CDCP1: variants seen among roughly 807,000 people sequenced by gnomAD.
CDCP1 encodes CUB domain-containing protein 1.
CDCP1 carries 29 observed loss-of-function variants against 60.2 expected under a neutral mutation model. The ratio of observed to expected loss-of-function variants is 0.48; its 90% CI spans 0.36 to 0.66. The LOEUF (loss-of-function observed/expected upper bound fraction) is 0.66, where lower values mean the gene tolerates loss of function less well. Among genes scored for constraint, CDCP1 ranks in the 30% least tolerant of loss-of-function variants. The pLI is 0.00. For missense variants in CDCP1, 876 were observed against 1,074.3 expected (o/e 0.82, Z 2.58); for synonymous variants, 387 against 431.1 (o/e 0.90, Z 1.27).
intron 1 of CDCP1, among the ~76,000 whole-genome samples, chr3:45,138,346 G>A (rs975722810): frequency 6.6e-6 from 1 of 152,206 alleles, no homozygotes; most frequent in African/African-American, 2.4e-5. Context: ...AGCACAATGT[G>A]TAGGTAACAA....
intron 4 of CDCP1, chr3:45,110,270 A>C: frequency 7.1e-7 from 1 of 1,414,448 alleles, no homozygotes; most frequent in South Asian, 1.7e-5. Flanking sequence ...ATTGTGCTGA[A>C]ATGGAACTAC....
At chr3:45,140,042 A>G (rs1699257704) in intron 1 of CDCP1, among the ~76,000 whole-genome samples, 1 of 152,234 alleles carries the variant, frequency 6.6e-6, no homozygotes, top group Non-Finnish European at 1.5e-5. Context: ...CCAGATCAGT[A>G]ACAGAAGGCA....
At chr3:45,134,040 C>A (rs1277085206) in intron 1 of CDCP1, among the ~76,000 whole-genome samples, 2 of 152,178 alleles carry the variant, frequency 1.3e-5, no homozygotes, top group African/African-American at 2.4e-5. Flanking sequence ...ATTGCAGCAC[C>A]CACCCACGGC....
At chr3:45,121,232 G>C (rs371069175) in intron 1 of CDCP1, among the ~76,000 whole-genome samples, 2 of 152,148 alleles carry the variant, frequency 1.3e-5, no homozygotes, top group African/African-American at 4.8e-5. Flanking sequence ...TATTCTCAGG[G>C]GCAGAAGTTT....
At chr3:45,144,026 C>T (rs1176157195) in intron 1 of CDCP1, among the ~76,000 whole-genome samples, 1 of 152,092 alleles carries the variant, frequency 6.6e-6, no homozygotes, top group East Asian at 1.9e-4. Flanking sequence ...CTGACCCAGA[C>T]TCTGGTATCT....
At chr3:45,103,438 T>C (rs1698515601) in intron 4 of CDCP1, among the ~76,000 whole-genome samples, 1 of 152,228 alleles carries the variant, frequency 6.6e-6, no homozygotes, top group Admixed American at 6.5e-5. Flanking sequence ...AAGACTGCTA[T>C]GAATATCCTT....
chr3:45,090,941 C>T (rs147928847), intron 7 of CDCP1, among the ~76,000 whole-genome samples: 1 of 152,186 alleles, frequency 6.6e-6, no homozygotes, highest in Non-Finnish European at 1.5e-5. Flanking sequence ...CCTGATAAGT[C>T]CAGCTCAGAC....
chr3:45,089,236 C>A, intron 7 of CDCP1, 95 bp from the exon 8 acceptor site: 1 of 945,772 alleles, frequency 1.1e-6, no homozygotes, highest in Non-Finnish European at 1.7e-6. Context: ...GCCATCTCTC[C>A]AAAGGTGGAG....
At chr3:45,087,511 C>T (rs1256900000) in intron 8 of CDCP1, among the ~76,000 whole-genome samples, 1 of 152,178 alleles carries the variant, frequency 6.6e-6, no homozygotes, top group African/African-American at 2.4e-5. Flanking sequence ...CTATTCCGTG[C>T]ACCGCAGATG....
rs1698748153 is a variant in CDCP1 at position 45,114,315 on chromosome 3, T to C, written c.293-1870A>G. ...CTCTGTCCAGTGAAAACATTTTAAA[T>C]AACTAAAATGATTCCTGTCCAGAGG... is the stretch of plus-strand genomic sequence containing the variant. On this transcript the variant is annotated intron_variant, in intron 2 of 8. Transcript: ENST00000296129. Among the ~76,000 whole-genome samples, 5 of 152,298 alleles carry C rather than the reference T, an allele frequency of 3.3e-5. No homozygotes were observed. In the South Asian group the frequency reaches 1.0e-3, roughly 32 times the overall value.
chr3:45,138,505 T>G (rs2126009508), intron 1 of CDCP1, among the ~76,000 whole-genome samples: 1 of 152,316 alleles, frequency 6.6e-6, no homozygotes, highest in Non-Finnish European at 1.5e-5. Context: ...TTAGTTCGTT[T>G]TGTGTTGCTA....
At chr3:45,104,693 TG>T (rs1302185901) in intron 4 of CDCP1, among the ~76,000 whole-genome samples, 20 of 152,236 alleles carry the variant, frequency 1.3e-4, no homozygotes, top group Admixed American at 1.0e-3. Flanking sequence ...ATCTGTGATC[TG>T]GACACAGTTT....
chr3:45,136,422 T>C (rs954376714), intron 1 of CDCP1, among the ~76,000 whole-genome samples: 1 of 152,210 alleles, frequency 6.6e-6, no homozygotes, highest in Non-Finnish European at 1.5e-5. Context: ...GCTAGAAAAT[T>C]TGGGGCGATG....
intron 2 of CDCP1, among the ~76,000 whole-genome samples, chr3:45,115,701 C>CTT (rs369872423): frequency 9.9e-5 from 15 of 151,142 alleles, no homozygotes; most frequent in Admixed American, 5.9e-4. Context: ...CTTAGTATTT[C>CTT]TTTTTTTTTT....
rs747525637 is a variant in CDCP1 at position 45,146,251 on chromosome 3, G to C, written c.37C>G (p.Leu13Val). Reference sequence around the variant, plus strand: ...GCCGCACCCAGCAGCAGAACCCCTAGCAGTGCGATAGAGACCCCGCAGTTC... The same window carrying C: ...GCCGCACCCAGCAGCAGAACCCCTACCAGTGCGATAGAGACCCCGCAGTTC... ...GLNCGVSIAL[L>V]GVLLLGAARL... The change falls in exon 1 of 9, where the codon CTA (leucine) becomes GTA (valine). Residue 13 changes from leucine to valine, a missense_variant. By Grantham distance (32) the Leu-to-Val change is conservative. This residue lies in a region of CDCP1 where 150 missense variants were observed against 138.6 expected (regional missense o/e 1.08). Coordinates refer to ENST00000296129, the MANE Select transcript of CDCP1 (RefSeq NM_022842.5). 5.6e-6 allele frequency: 9 copies of C among 1,597,098 alleles called. No individual in the cohort carries two copies. In the Admixed American group the frequency reaches 1.4e-4, roughly 24 times the overall value.
chr3:45,102,581 G>C (rs1698498095), intron 4 of CDCP1, among the ~76,000 whole-genome samples: 1 of 148,570 alleles, frequency 6.7e-6, no homozygotes, highest in African/African-American at 2.5e-5. Context: ...GAGCTGGGCA[G>C]ATCACTTGAG....
chr3:45,126,956 C>T (rs576589856), intron 1 of CDCP1, among the ~76,000 whole-genome samples: 193 of 152,246 alleles, frequency 1.3e-3, no homozygotes, highest in Non-Finnish European at 2.3e-3. Flanking sequence ...GCTCTGACAC[C>T]GGTGCCCGGG....
chr3:45,126,116 T>TTC (rs1698981583), intron 1 of CDCP1, among the ~76,000 whole-genome samples: 2 of 95,468 alleles, frequency 2.1e-5, no homozygotes, highest in Admixed American at 1.0e-4. Flanking sequence ...CTCTCTTTCT[T>TTC]TCTTTCTTTC....
intron 8 of CDCP1, 69 bp from the exon 9 acceptor site, chr3:45,086,136 G>A (rs866089571): frequency 7.4e-7 from 1 of 1,356,218 alleles, no homozygotes; most frequent in African/African-American, 1.4e-5. Context: ...CATTGCTATG[G>A]CCCTGCTAGA....
Sources: allele counts gnomAD v4.1 joint callset (sites outside exome capture counted in the v4.1 genomes callset), GRCh38; gene constraint gnomAD v4.1.1; regional missense constraint gnomAD v4.1.1; transcripts MANE v1.5; gene names NCBI Gene and HGNC (gene_info 2026-07-23, HGNC 2026-07-21).